CIMIP5: variants seen among roughly 807,000 people sequenced by gnomAD.
CIMIP5 encodes the protein uncharacterized protein C2orf50.
chr2:11,138,701 T>A, the CIMIP5 span, among the ~76,000 whole-genome samples: 1 of 152,094 alleles, frequency 6.6e-6, no homozygotes, highest in African/African-American at 2.4e-5. Context: ...TAGTGAGTTC[T>A]CACCAGATCT....
chr2:11,138,688 C>G, the CIMIP5 span, among the ~76,000 whole-genome samples: 7 of 152,210 alleles, frequency 4.6e-5, no homozygotes, highest in South Asian at 1.5e-3. Context: ...ACTGTCCTCA[C>G]AGTAGTGAGT....
At chr2:11,140,657 A>T in the CIMIP5 span, 1 of 791,970 alleles carries the variant, frequency 1.3e-6, no homozygotes, top group East Asian at 2.8e-5. Context: ...CAGATACTGG[A>T]TGTGCAGCGA....
chr2:11,140,374 TAA>T, the CIMIP5 span: 75,039 of 278,294 alleles, frequency 0.27, 3,993 homozygotes, highest in East Asian at 0.36. Flanking sequence ...GCCTCCGTCT[TAA>T]AAAAAAAAAA....
the CIMIP5 span, chr2:11,145,765 C>G: frequency 6.6e-6 from 1 of 152,272 alleles, no homozygotes; most frequent in Non-Finnish European, 1.5e-5. Flanking sequence ...GAGAGGGGCA[C>G]AAGATGGAGG....
At chr2:11,140,086 C>CAAAAAAAAAAAAA in the CIMIP5 span, among the ~76,000 whole-genome samples, 31 of 84,770 alleles carry the variant, frequency 3.7e-4, no homozygotes, top group South Asian at 8.9e-4. Flanking sequence ...GACTCCCTCT[C>CAAAAAAAAAAAAA]AAAAAAAAAA....
the CIMIP5 span, chr2:11,144,022 C>G: frequency 1.2e-6 from 2 of 1,607,758 alleles, no homozygotes; most frequent in Non-Finnish European, 1.7e-6. Flanking sequence ...GCTGGACACA[C>G]CCCTGGGACA....
At chr2:11,154,477 C>G in the CIMIP5 span, among the ~76,000 whole-genome samples, 2 of 152,188 alleles carry the variant, frequency 1.3e-5, no homozygotes, top group African/African-American at 2.4e-5. Context: ...ATTTATGGCA[C>G]AAAACCAGGG....
At chr2:11,138,973 A>G in the CIMIP5 span, among the ~76,000 whole-genome samples, 22 of 151,876 alleles carry the variant, frequency 1.4e-4, no homozygotes, top group African/African-American at 4.6e-4. Context: ...GCTGGAGTGC[A>G]GTGGCTTGAT....
At chr2:11,144,205 G>C in the CIMIP5 span, 1 of 1,146,120 alleles carries the variant, frequency 8.7e-7, no homozygotes, top group Non-Finnish European at 1.2e-6. Context: ...CCCACACAAG[G>C]CAGCTTGGGT....
At chr2:11,134,340 T>C in the CIMIP5 span, among the ~76,000 whole-genome samples, 1 of 152,222 alleles carries the variant, frequency 6.6e-6, no homozygotes, top group Non-Finnish European at 1.5e-5. Flanking sequence ...GGATGCATTT[T>C]TTCCAAAGGA....
chr2:11,146,194 T>C, the CIMIP5 span, among the ~76,000 whole-genome samples: 1 of 152,130 alleles, frequency 6.6e-6, no homozygotes, highest in African/African-American at 2.4e-5. Context: ...TTGCATGCAT[T>C]AACTCATTTA....
chr2:11,140,697 T>C, the CIMIP5 span: 1 of 513,998 alleles, frequency 1.9e-6, no homozygotes, highest in Admixed American at 3.5e-5. Context: ...TTTCAAGGAA[T>C]GCAGGGTCCG....
chr2:11,151,785 A>G, the CIMIP5 span, among the ~76,000 whole-genome samples: 1 of 152,202 alleles, frequency 6.6e-6, no homozygotes, highest in African/African-American at 2.4e-5. Flanking sequence ...ATAGGCACAA[A>G]TCACCATGCC....
At chr2:11,137,218 C>T in the CIMIP5 span, among the ~76,000 whole-genome samples, 23 of 152,014 alleles carry the variant, frequency 1.5e-4, no homozygotes, top group African/African-American at 5.3e-4. Flanking sequence ...ACTAAAAACA[C>T]AAAAATTAGC....
chr2:11,135,076 C>T, the CIMIP5 span, among the ~76,000 whole-genome samples: 1 of 151,986 alleles, frequency 6.6e-6, no homozygotes, highest in Non-Finnish European at 1.5e-5. Flanking sequence ...CTCCTGTGAA[C>T]TAATAGAGCA....
chr2:11,133,181 G>C, the CIMIP5 span: 1 of 890,686 alleles, frequency 1.1e-6, no homozygotes. Flanking sequence ...CTCTGAGCTC[G>C]AGGCCTAAAG....
chr2:11,150,640 A>ATT, the CIMIP5 span, among the ~76,000 whole-genome samples: 345 of 148,808 alleles, frequency 2.3e-3, 8 homozygotes, highest in East Asian at 0.044. Context: ...TGGTTTAGGA[A>ATT]TTTTTTTTTT....
chr2:11,154,342 G>C, the CIMIP5 span, among the ~76,000 whole-genome samples: 1 of 151,980 alleles, frequency 6.6e-6, no homozygotes, highest in Non-Finnish European at 1.5e-5. Context: ...GCAGGACTCA[G>C]CACCTGTTTT....
At chr2:11,144,201 C>A in the CIMIP5 span, 1 of 1,194,522 alleles carries the variant, frequency 8.4e-7, no homozygotes, top group Non-Finnish European at 1.1e-6. Flanking sequence ...GCTCCCCACA[C>A]AAGGCAGCTT....
Sources: gnomAD v4.1 joint callset for allele counts (sites outside exome capture counted in the v4.1 genomes callset) on GRCh38, gnomAD v4.1.1 for gene constraint, MANE v1.5 for transcripts, NCBI Gene and HGNC (gene_info 2026-07-23, HGNC 2026-07-21) for gene names.